SLC27A2: variants seen among roughly 807,000 people sequenced by gnomAD.
The protein encoded by SLC27A2 is solute carrier family 27 member 2.
SLC27A2 carries 54 observed loss-of-function variants against 60.0 expected under a neutral mutation model. That is an observed-to-expected ratio of 0.90 (90% CI 0.72 to 1.13). The LOEUF (loss-of-function observed/expected upper bound fraction) is 1.13. Ranked by LOEUF, SLC27A2 falls within the 50% of genes most tolerant of loss-of-function variation. SLC27A2 has a pLI of 0.00. For synonymous variants in SLC27A2, 297 were observed against 297.6 expected, an observed-to-expected ratio of 1.00 and a Z score of 0.02; for missense variants, 739 against 777.6, an observed-to-expected ratio of 0.95 and a Z score of 0.59.
intron 8 of SLC27A2, among the ~76,000 whole-genome samples, chr15:50,231,155 T>G (rs1595693634): frequency 6.6e-6 from 1 of 151,334 alleles, no homozygotes; most frequent in East Asian, 1.9e-4. Context: ...TTTTTTTTTT[T>G]TTTTTTGAGA....
At position 50,223,116 on chromosome 15, in the gene SLC27A2, C is replaced by T. The variant is rs769777777; in HGVS notation, c.1124C>T (p.Ala375Val). 19 of 1,613,192 alleles carry T rather than the reference C, an allele frequency of 1.2e-5. No individual in the cohort carries two copies. The South Asian group carries it at 1.3e-4, about 11-fold the overall frequency. The change falls in exon 5 of 10, where the codon GCG becomes GTG. Residue 375 changes from alanine to valine, a missense_variant. By Grantham distance (64) the Ala-to-Val change is moderately conservative. Transcript: ENST00000267842. Reference sequence around the variant, plus strand: ...GGCAATATTGGATTTATGAATTATGCGAGAAAAGTTGGTGCTGTTGGAAGA... The same window carrying T: ...GGCAATATTGGATTTATGAATTATGTGAGAAAAGTTGGTGCTGTTGGAAGA... ...TEGNIGFMNYARKVGAVGRVN... is the reference protein window; with the variant it reads ...TEGNIGFMNYVRKVGAVGRVN...
chr15:50,219,993 G>A (rs2045231793), intron 4 of SLC27A2, among the ~76,000 whole-genome samples: 1 of 152,214 alleles, frequency 6.6e-6, no homozygotes, highest in Non-Finnish European at 1.5e-5. Flanking sequence ...GAAAACTTGA[G>A]TCATACTCTT....
chr15:50,233,918 G>A lies in SLC27A2; in HGVS notation c.1606G>A (p.Glu536Lys). The change falls in exon 9 of 10, where the codon GAA becomes AAA. Residue 536 changes from glutamate (E) to lysine (K), a missense_variant. Transcript: ENST00000267842. ...CTCCATCAAAATGAAAGAAAACCAT[G>A]AATTTGATGGAAAGAAACTCTTTCA... ...MASIKMKENHEFDGKKLFQHI... is the reference protein window; with the variant it reads ...MASIKMKENHKFDGKKLFQHI... 1 of 1,613,742 alleles carries A rather than the reference G, an allele frequency of 6.2e-7. No homozygotes were observed. Among genetic ancestry groups the A allele is most frequent in the Non-Finnish European group, 8.5e-7 (1 of 1,179,716 alleles).
chr15:50,230,638 G>C (rs926845874), intron 8 of SLC27A2, among the ~76,000 whole-genome samples: 4 of 152,168 alleles, frequency 2.6e-5, no homozygotes, highest in Non-Finnish European at 4.4e-5. Context: ...ATCTTGATGT[G>C]AGAGGGGACA....
intron 6 of SLC27A2, 145 bp downstream of exon 6, chr15:50,226,223 G>T: frequency 1.8e-6 from 1 of 542,252 alleles, no homozygotes. Flanking sequence ...CAATATACAG[G>T]AATTCCAAAG....
rs2045350831 is a variant in SLC27A2 at position 50,236,170 on chromosome 15, A to AATT, written c.*75_*77dup. 1 of 1,290,782 alleles carries AATT rather than the reference A, an allele frequency of 7.7e-7. No individual in the cohort carries two copies. The highest frequency in any genetic ancestry group is 2.5e-5 in the East Asian group (1 of 40,620). The allele number at this position is 1,290,782 out of a possible 1,614,324, so 80.0% of individuals were successfully genotyped here. ...CAGCCACTTGATATAATCCAACTTT[A>AATT]ATTTGATTGAAGATTGTGAGGAAAT... On this transcript the variant is annotated 3_prime_UTR_variant, in exon 10 of 10. Transcript: ENST00000267842.
chr15:50,185,909 G>T (rs1159406954), intron 1 of SLC27A2, among the ~76,000 whole-genome samples: 1 of 151,722 alleles, frequency 6.6e-6, no homozygotes, highest in Non-Finnish European at 1.5e-5. Flanking sequence ...GATTACAGGC[G>T]TGAGCCACCA....
At chr15:50,213,148 T>C (rs765385742) in intron 4 of SLC27A2, among the ~76,000 whole-genome samples, 1 of 152,106 alleles carries the variant, frequency 6.6e-6, no homozygotes, top group Non-Finnish European at 1.5e-5. Flanking sequence ...TGAGCAGAGG[T>C]AGCTATTCCT....
chr15:50,195,327 A>C (rs544883624), intron 1 of SLC27A2, among the ~76,000 whole-genome samples: 14 of 150,144 alleles, frequency 9.3e-5, no homozygotes, highest in East Asian at 5.8e-4. Flanking sequence ...AAAAAAAAAA[A>C]CAAAAACAAA....
chr15:50,230,297 C>A (rs8040819), intron 8 of SLC27A2, among the ~76,000 whole-genome samples: 21,828 of 150,336 alleles, frequency 0.15, 1,631 homozygotes, highest in Middle Eastern at 0.19. Flanking sequence ...AATCCCAGCA[C>A]TTTGGGAGGC....
At chr15:50,222,092 C>A (rs1430102706) in intron 4 of SLC27A2, 3 of 152,222 alleles carry the variant, frequency 2.0e-5, no homozygotes, top group African/African-American at 7.2e-5. Flanking sequence ...GAATGGAAGG[C>A]AGCCTGGTCA....
intron 1 of SLC27A2, among the ~76,000 whole-genome samples, chr15:50,183,994 C>CTTTTTTTTTTTTTTTTTTTTTTT (rs577766814): frequency 4.4e-5 from 4 of 91,170 alleles, no homozygotes; most frequent in Non-Finnish European, 8.4e-5. Flanking sequence ...TTTCCTACAT[C>CTTTTTTTTTTTTTTTTTTTTTTT]TTTTTTTTTT....
In SLC27A2 at chr15:50,182,457, G is replaced by A. The variant is rs1192715587; in HGVS notation, c.30G>A (p.Ala10=). The A allele has an allele frequency of 6.2e-7, 1 of 1,607,370 alleles. No homozygotes were observed. The highest frequency in any genetic ancestry group is 2.2e-5 in the East Asian group (1 of 44,534). ...TTTCCGCCATCTACACAGTCCTGGC[G>A]GGACTGCTGTTCCTGCCGCTCCTGG... is the stretch of plus-strand genomic sequence containing the variant. The part of the protein sequence containing the change: MLSAIYTVL[A]GLLFLPLLVN... The change falls in exon 1 of 10, where the codon GCG becomes GCA. Residue 10 remains alanine (A), a synonymous_variant. Coordinates refer to ENST00000267842, the MANE Select transcript of SLC27A2 (RefSeq NM_003645.4).
At chr15:50,227,255 C>G (rs2045285549) in intron 7 of SLC27A2, 77 bp downstream of exon 7, 1 of 1,133,354 alleles carries the variant, frequency 8.8e-7, no homozygotes, top group African/African-American at 1.5e-5. Flanking sequence ...TCGCATTCCA[C>G]TTTGGTTATG....
chr15:50,188,200 G>A (rs1001640014), intron 1 of SLC27A2, among the ~76,000 whole-genome samples: 3 of 152,108 alleles, frequency 2.0e-5, no homozygotes, highest in Admixed American at 2.0e-4. Flanking sequence ...GCTTTTTGGG[G>A]CACTGACTAT....
At chr15:50,227,384 C>T (rs1043431423) in intron 7 of SLC27A2, among the ~76,000 whole-genome samples, 2 of 152,192 alleles carry the variant, frequency 1.3e-5, no homozygotes, top group Admixed American at 6.5e-5. Flanking sequence ...TGAGCAACAC[C>T]AGATGAGAAT....
intron 8 of SLC27A2, 32 bp from the exon 9 acceptor site, chr15:50,233,836 A>G (rs775321180): frequency 6.3e-7 from 1 of 1,586,380 alleles, no homozygotes. Flanking sequence ...AATAGCCTTA[A>G]CACTTCTAAT....
intron 4 of SLC27A2, among the ~76,000 whole-genome samples, chr15:50,215,793 C>G (rs1048295798): frequency 6.6e-6 from 1 of 152,156 alleles, no homozygotes; most frequent in Non-Finnish European, 1.5e-5. Context: ...TCATCTCTCA[C>G]CTTATACAAA....
At chr15:50,183,898 C>CCCA (rs903152130) in intron 1 of SLC27A2, among the ~76,000 whole-genome samples, 14 of 151,846 alleles carry the variant, frequency 9.2e-5, no homozygotes, top group African/African-American at 2.9e-4. Context: ...TATCACTATC[C>CCCA]CCACCACCAC....
Sources: allele counts gnomAD v4.1 joint callset (sites outside exome capture counted in the v4.1 genomes callset), GRCh38; gene constraint gnomAD v4.1.1; transcripts MANE v1.5; gene names NCBI Gene and HGNC (gene_info 2026-07-23, HGNC 2026-07-21).